ABLIM2: variants seen among roughly 807,000 people sequenced by gnomAD.
The protein encoded by ABLIM2 is actin-binding LIM protein 2.
Under a neutral mutation model 97.7 loss-of-function variants are expected in ABLIM2, and 53 were observed. That is an observed-to-expected ratio of 0.54 (90% CI 0.44 to 0.68). The LOEUF is 0.68. ABLIM2 is among the 30% of genes least tolerant of loss of function. The pLI, the probability that ABLIM2 is intolerant of heterozygous loss-of-function variation, is 0.00. For synonymous variants in ABLIM2, 361 were observed against 345.8 expected (o/e 1.04, Z -0.49); for missense variants, 835 against 867.2 (o/e 0.96, Z 0.47).
chr4:8,097,224 G>T lies in ABLIM2; in HGVS notation c.213C>A (p.Cys71Ter). The stretch of plus-strand genomic sequence containing the variant: ...CGTAGAGCCTCTGGTAGTCCAGCGT[G>T]CAGATGTACTCGCCCTGCCGCACGA... ...GFFVRQGEYI[C>*]TLDYQRLYGT... is the part of the protein sequence containing the mutation. The change falls in exon 3 of 21, where the codon TGC (cysteine) becomes TGA (stop). Residue 71 changes from cysteine to a stop codon, truncating the protein, a stop_gained. Coordinates refer to ENST00000447017, the MANE Select transcript of ABLIM2 (RefSeq NM_001130083.2). LOFTEE classifies it high-confidence loss of function. 1 of 1,582,666 alleles carries T rather than the reference G, an allele frequency of 6.3e-7. No individual in the cohort carries two copies. The highest frequency in any genetic ancestry group is 8.6e-7 in the Non-Finnish European group (1 of 1,165,474).
chr4:8,096,964 G>A, intron 3 of ABLIM2, 135 bp downstream of exon 3: 1 of 1,130,702 alleles, frequency 8.8e-7, no homozygotes. Flanking sequence ...AGACTGTGGG[G>A]CCTGGAACAG....
Position 8,054,463 on chromosome 4 carries a change from G to A in ABLIM2, c.764-217C>T, listed in dbSNP as rs1797802980. On this transcript the variant is annotated intron_variant, in intron 7 of 20. Coordinates refer to ENST00000447017, the MANE Select transcript of ABLIM2 (RefSeq NM_001130083.2). This position sits in a 1 kb window ranked among gnomAD's most constrained non-coding sequence, Gnocchi z 4.9. ...CCCCTCAGGGGCTCACAGCCCAGTT[G>A]TGGGACGGAGGCAGCAAACAAACAG... Among the ~76,000 whole-genome samples the A allele has an allele frequency of 6.6e-6, 1 of 152,250 alleles. No individual in the cohort carries two copies. Among genetic ancestry groups the A allele is most frequent in the Non-Finnish European group, 1.5e-5 (1 of 68,048 alleles).
intron 14 of ABLIM2, among the ~76,000 whole-genome samples, chr4:8,014,923 T>C (rs1409537144): frequency 7.1e-6 from 1 of 140,270 alleles, no homozygotes. Context: ...TTCCTTTCTT[T>C]CTTTTTTTTT....
chr4:8,013,219 CTTTTTTTTTTT>C (rs60424207), intron 14 of ABLIM2, among the ~76,000 whole-genome samples: 285 of 110,618 alleles, frequency 2.6e-3, no homozygotes, highest in African/African-American at 9.1e-3. Context: ...AACATTTTTC[CTTTTTTTTTTT>C]TTTTTTTTTT....
In ABLIM2 at chr4:8,061,723, G is replaced by C. The variant is rs182308787; in HGVS notation, c.676-669C>G. ...TTCCAGCACACACTTCCTACCCTGA[G>C]GGCACGGCGGGTGCAGCCTATTGCT... On this transcript the variant is annotated intron_variant, in intron 6 of 20. Coordinates refer to ENST00000447017, the MANE Select transcript of ABLIM2 (RefSeq NM_001130083.2). This position sits in a 1 kb window ranked among gnomAD's most constrained non-coding sequence, Gnocchi z 4.5. Among the ~76,000 whole-genome samples, 185 of 151,836 alleles carry C rather than the reference G, an allele frequency of 1.2e-3. No homozygotes were observed. The highest frequency in any genetic ancestry group is 4.2e-3 in the African/African-American group (176 of 41,414).
At chr4:8,151,610 TCA>T (rs1465243885) in intron 1 of ABLIM2, among the ~76,000 whole-genome samples, 1 of 152,140 alleles carries the variant, frequency 6.6e-6, no homozygotes, top group African/African-American at 2.4e-5. Context: ...CAGCCAGGCC[TCA>T]CACCCAAACA....
chr4:7,981,418 T>C (rs1738357412), intron 20 of ABLIM2, among the ~76,000 whole-genome samples: 1 of 152,174 alleles, frequency 6.6e-6, no homozygotes, highest in Non-Finnish European at 1.5e-5. Context: ...CTTACATGTA[T>C]TGATTGATGT....
intron 1 of ABLIM2, among the ~76,000 whole-genome samples, chr4:8,134,985 G>A (rs1442700495): frequency 6.6e-6 from 1 of 152,204 alleles, no homozygotes; most frequent in Non-Finnish European, 1.5e-5. Flanking sequence ...CGCTTCTGAT[G>A]GGCACAGTGG....
At position 8,072,542 on chromosome 4, in the gene ABLIM2, G is replaced by C. The variant is rs1047245231; in HGVS notation, c.675+5086C>G. On this transcript the variant is annotated intron_variant, in intron 6 of 20. Transcript: ENST00000447017. The surrounding 1 kb of genome is among the most constrained non-coding windows in gnomAD (Gnocchi z 5.8). The stretch of plus-strand genomic sequence containing the variant: ...GCACCCAAGATACACCCCACTTTAG[G>C]CCACCAGATGTTCCAACGTGGCTAT... Among the ~76,000 whole-genome samples, 2 of 152,220 alleles carry C rather than the reference G, an allele frequency of 1.3e-5. No homozygotes were observed. Among genetic ancestry groups the C allele is most frequent in the African/African-American group, 4.8e-5 (2 of 41,462 alleles).
chr4:7,975,554 T>A lies in ABLIM2; in HGVS notation c.1824+7710A>T, dbSNP rs180816892. ...CCCATCAGTGAGTGTTAATCACATC[T>A]GCCCACATGCTGCTCCACTAAATGA... On this transcript the variant is annotated intron_variant, in intron 20 of 20. Coordinates refer to ENST00000447017, the MANE Select transcript of ABLIM2 (RefSeq NM_001130083.2). Among the ~76,000 whole-genome samples the A allele has an allele frequency of 3.2e-4, 49 of 152,366 alleles. No individual in the cohort carries two copies. In the Middle Eastern group the frequency reaches 0.014, roughly 42 times the overall value.
Position 7,966,400 on chromosome 4 carries a change from G to T in ABLIM2, c.*590C>A, listed in dbSNP as rs1164042972. 1 of 152,834 alleles carries T rather than the reference G, an allele frequency of 6.5e-6. No homozygotes were observed. Among genetic ancestry groups the T allele is most frequent in the South Asian group, 2.1e-4 (1 of 4,844 alleles). The allele number at this position is 152,834 out of a possible 1,614,324, so 9.5% of individuals were successfully genotyped here. On this transcript the variant is annotated 3_prime_UTR_variant, in exon 21 of 21. Transcript: ENST00000447017. The stretch of plus-strand genomic sequence containing the variant: ...ACGCAGCGCATGGAGGGGCGCTGGC[G>T]GAAGGTGCCCTGTCTTGTCCCTTGT...
chr4:8,132,091 G>T lies in ABLIM2; in HGVS notation c.11-25454C>A, dbSNP rs997885821. ...CCTCGGGGTGCCTGGACATCCCTCC[G>T]TGGGGTGTGGTGTACTAGCGGGATG... On this transcript the variant is annotated intron_variant, in intron 1 of 20. Coordinates refer to ENST00000447017, the MANE Select transcript of ABLIM2 (RefSeq NM_001130083.2). The surrounding 1 kb of genome is among the most constrained non-coding windows in gnomAD (Gnocchi z 8.0). Among the ~76,000 whole-genome samples, 3 of 150,722 alleles carry T rather than the reference G, an allele frequency of 2.0e-5. No individual in the cohort carries two copies. Among genetic ancestry groups the T allele is most frequent in the African/African-American group, 7.5e-5 (3 of 40,166 alleles).
chr4:7,975,857 A>G (rs550808419), intron 20 of ABLIM2, among the ~76,000 whole-genome samples: 1 of 152,278 alleles, frequency 6.6e-6, no homozygotes, highest in South Asian at 2.1e-4. Flanking sequence ...GAGCCCTTCA[A>G]GTAGGCCTGA....
chr4:8,103,917 T>G (rs1458718896), intron 2 of ABLIM2, among the ~76,000 whole-genome samples: 1 of 152,222 alleles, frequency 6.6e-6, no homozygotes. Context: ...TAAAATAGGC[T>G]TTTAAAAAGA....
intron 1 of ABLIM2, among the ~76,000 whole-genome samples, chr4:8,153,704 C>CGCGTGCCCTTCTCAGA (rs528896031): frequency 0.015 from 2,237 of 145,934 alleles, 38 homozygotes; most frequent in African/African-American, 0.043. Context: ...TTTCTACCAG[C>CGCGTGCCCTTCTCAGA]GCTGGAGGCA....
In ABLIM2 at chr4:8,127,733, G is replaced by A. The variant is rs1848631023; in HGVS notation, c.11-21096C>T. 1 of 983,976 alleles carries A rather than the reference G, an allele frequency of 1.0e-6. No individual in the cohort carries two copies. Among genetic ancestry groups the A allele is most frequent in the Non-Finnish European group, 1.2e-6 (1 of 828,664 alleles). The allele number at this position is 983,976 out of a possible 1,614,324, so 61.0% of individuals were successfully genotyped here. Reference sequence around the variant, plus strand: ...GTGGCAGCTGCCACCCTCTGCCCGGGGAGGGGCAGAGCCAAGCCCTTCCCG... The same window carrying A: ...GTGGCAGCTGCCACCCTCTGCCCGGAGAGGGGCAGAGCCAAGCCCTTCCCG... On this transcript the variant is annotated intron_variant, in intron 1 of 20. Coordinates refer to ENST00000447017, the MANE Select transcript of ABLIM2 (RefSeq NM_001130083.2). The surrounding 1 kb of genome is among the most constrained non-coding windows in gnomAD (Gnocchi z 7.3).
intron 1 of ABLIM2, among the ~76,000 whole-genome samples, chr4:8,133,317 C>T (rs561743051): frequency 1.4e-4 from 22 of 152,310 alleles, no homozygotes; most frequent in South Asian, 1.0e-3. Flanking sequence ...CCCACAGCGG[C>T]GGCTTTCCTC....
At position 8,009,108 on chromosome 4, in the gene ABLIM2, A is replaced by G; in HGVS notation, c.1424-6T>C. ...CCCATCCGATCGCCTGGCAGCTGGA[A>G]GGGAAAAATCCATTTGTAAAGGCCA... On this transcript the variant is annotated splice_polypyrimidine_tract_variant and splice_region_variant and intron_variant, in intron 14 of 20. Transcript: ENST00000447017. The G allele has an allele frequency of 5.0e-6, 8 of 1,614,040 alleles. No individual in the cohort carries two copies. The highest frequency in any genetic ancestry group is 6.8e-6 in the Non-Finnish European group (8 of 1,179,882).
chr4:8,051,066 C>G (rs930316825), intron 8 of ABLIM2, among the ~76,000 whole-genome samples: 1 of 152,232 alleles, frequency 6.6e-6, no homozygotes, highest in African/African-American at 2.4e-5. Context: ...TCAGTGGGGA[C>G]AGTGAAGCTG....
Sources: gnomAD v4.1 joint callset for allele counts (sites outside exome capture counted in the v4.1 genomes callset) on GRCh38, gnomAD v4.1.1 for gene constraint, Gnocchi (gnomAD v3.1) non-coding constraint, MANE v1.5 for transcripts, NCBI Gene and HGNC (gene_info 2026-07-23, HGNC 2026-07-21) for gene names.